Variants in ATOSA observed in about 807,000 individuals in gnomAD.
The protein encoded by ATOSA is atos homolog A, also known as atos homolog protein A.
the ATOSA span, among the ~76,000 whole-genome samples, chr15:52,610,789 A>G: frequency 4.6e-5 from 7 of 152,218 alleles, no homozygotes; most frequent in African/African-American, 1.7e-4. Context: ...TTAGCAGCCT[A>G]TATGTTTACA....
At chr15:52,691,374 C>T in the ATOSA span, among the ~76,000 whole-genome samples, 1 of 152,118 alleles carries the variant, frequency 6.6e-6, no homozygotes, top group Non-Finnish European at 1.5e-5. Flanking sequence ...ATCTGCAACT[C>T]TCTGGGAACA....
the ATOSA span, among the ~76,000 whole-genome samples, chr15:52,708,587 T>G: frequency 6.6e-6 from 1 of 152,140 alleles, no homozygotes; most frequent in Admixed American, 6.5e-5. Flanking sequence ...ATTTGTAAAA[T>G]CTACCTTGCA....
At chr15:52,684,895 A>T in the ATOSA span, among the ~76,000 whole-genome samples, 1 of 152,200 alleles carries the variant, frequency 6.6e-6, no homozygotes. Flanking sequence ...GGTATTTCTA[A>T]TGAGAATTGA....
the ATOSA span, among the ~76,000 whole-genome samples, chr15:52,635,453 G>A: frequency 3.1e-4 from 47 of 152,096 alleles, no homozygotes; most frequent in Middle Eastern, 6.8e-3. Flanking sequence ...AGCACTTTGG[G>A]AGGCTGAAGT....
At chr15:52,600,748 T>G in the ATOSA span, among the ~76,000 whole-genome samples, 2 of 150,536 alleles carry the variant, frequency 1.3e-5, no homozygotes, top group Non-Finnish European at 3.0e-5. Context: ...CTAAAGATTA[T>G]AATCAGAGTA....
the ATOSA span, among the ~76,000 whole-genome samples, chr15:52,602,514 T>C: frequency 6.6e-6 from 1 of 152,174 alleles, no homozygotes; most frequent in Non-Finnish European, 1.5e-5. Flanking sequence ...CCCTGGGTTA[T>C]AGATGTGGGA....
chr15:52,605,351 T>A, the ATOSA span: 3 of 747,150 alleles, frequency 4.0e-6, no homozygotes, highest in African/African-American at 3.7e-5. Context: ...TTCTGAGGTA[T>A]TGCTGGTGAA....
chr15:52,690,739 G>A, the ATOSA span, among the ~76,000 whole-genome samples: 1 of 152,188 alleles, frequency 6.6e-6, no homozygotes, highest in East Asian at 1.9e-4. Flanking sequence ...ACCTGTAAAT[G>A]AAGTGAATCC....
chr15:52,612,199 G>T, the ATOSA span, among the ~76,000 whole-genome samples: 1,440 of 152,206 alleles, frequency 9.5e-3, 22 homozygotes, highest in African/African-American at 0.033. Flanking sequence ...TGGCCAGGCT[G>T]ATCTCAAACT....
chr15:52,670,901 G>A, the ATOSA span, among the ~76,000 whole-genome samples: 1 of 152,176 alleles, frequency 6.6e-6, no homozygotes, highest in Non-Finnish European at 1.5e-5. Context: ...ACAGGTTTGG[G>A]ACTTAATCCA....
chr15:52,707,147 C>T, the ATOSA span, among the ~76,000 whole-genome samples: 2 of 152,168 alleles, frequency 1.3e-5, no homozygotes, highest in Admixed American at 6.6e-5. Context: ...TGGAAAGTTA[C>T]CATTTTACAA....
chr15:52,597,165 G>GTTCTATTCTATTCTATTCTATTCTA, the ATOSA span, among the ~76,000 whole-genome samples: 4 of 24,742 alleles, frequency 1.6e-4, no homozygotes, highest in African/African-American at 4.9e-4. Flanking sequence ...GTTCTGTTCT[G>GTTCTATTCTATTCTATTCTATTCTA]TTCTATTCTA....
the ATOSA span, among the ~76,000 whole-genome samples, chr15:52,641,457 T>C: frequency 6.6e-5 from 10 of 152,208 alleles, no homozygotes; most frequent in Non-Finnish European, 1.5e-5. Flanking sequence ...GTAGACCATG[T>C]TCCACGAAAG....
At chr15:52,685,527 A>G in the ATOSA span, among the ~76,000 whole-genome samples, 3 of 151,422 alleles carry the variant, frequency 2.0e-5, no homozygotes, top group South Asian at 2.1e-4. Context: ...TCTGCCTTCC[A>G]GGCTTAAATG....
At chr15:52,669,734 A>G in the ATOSA span, among the ~76,000 whole-genome samples, 7 of 152,222 alleles carry the variant, frequency 4.6e-5, no homozygotes, top group South Asian at 1.2e-3. Context: ...TTAGGCTTAA[A>G]TATTACTGAC....
chr15:52,598,674 AT>A, the ATOSA span: 18 of 152,202 alleles, frequency 1.2e-4, no homozygotes, highest in Admixed American at 2.6e-4. Flanking sequence ...TGGAAAATGT[AT>A]GTATATCTGC....
At chr15:52,607,542 T>C in the ATOSA span, among the ~76,000 whole-genome samples, 1 of 152,142 alleles carries the variant, frequency 6.6e-6, no homozygotes, top group Non-Finnish European at 1.5e-5. Flanking sequence ...GGGGCGCCAG[T>C]TGAATCACTA....
chr15:52,621,541 C>T, the ATOSA span, among the ~76,000 whole-genome samples: 1 of 152,180 alleles, frequency 6.6e-6, no homozygotes, highest in African/African-American at 2.4e-5. Context: ...ATAATCCCCA[C>T]GTGTCATGGG....
the ATOSA span, among the ~76,000 whole-genome samples, chr15:52,682,007 C>G: frequency 6.6e-6 from 1 of 152,178 alleles, no homozygotes; most frequent in African/African-American, 2.4e-5. Context: ...ATCCCTAGCA[C>G]TTAGTAAAGA....
Sources: allele counts gnomAD v4.1 joint callset (sites outside exome capture counted in the v4.1 genomes callset), GRCh38; gene constraint gnomAD v4.1.1; transcripts MANE v1.5; gene names NCBI Gene and HGNC (gene_info 2026-07-23, HGNC 2026-07-21).